Variants in RSF1 observed in about 807,000 individuals in gnomAD.
RSF1 encodes HBV pX-associated protein 8.
Under a neutral mutation model 145.2 loss-of-function variants are expected in RSF1, and 13 were observed. The ratio of observed to expected loss-of-function variants is 0.09; its 90% CI spans 0.06 to 0.14. The LOEUF (loss-of-function observed/expected upper bound fraction) is 0.14, where lower values mean the gene tolerates loss of function less well. Among genes scored for constraint, RSF1 ranks in the 10% least tolerant of loss-of-function variants. The pLI is 1.00. For synonymous variants in RSF1, 577 were observed against 592.6 expected, an observed-to-expected ratio of 0.97 and a Z score of 0.38; for missense variants, 1,517 against 1,718.2, an observed-to-expected ratio of 0.88 and a Z score of 2.07.
chr11:77,770,396 A>C (rs893397152), intron 1 of RSF1, among the ~76,000 whole-genome samples: 1 of 152,256 alleles, frequency 6.6e-6, no homozygotes, highest in African/African-American at 2.4e-5. Flanking sequence ...CGGAGGATGC[A>C]GTGAGCCCAG....
the RSF1 span, among the ~76,000 whole-genome samples, chr11:77,858,712 T>C: frequency 6.6e-6 from 1 of 152,080 alleles, no homozygotes; most frequent in African/African-American, 2.4e-5. Flanking sequence ...TGGGGCATAG[T>C]AGGGGTTGTG....
At position 77,663,301 on chromosome 11, in the gene RSF1, T is replaced by A. The variant is rs1959277098; in HGVS notation, c.*3616A>T. On this transcript the variant is annotated 3_prime_UTR_variant, in exon 16 of 16. Coordinates refer to ENST00000308488, the MANE Select transcript of RSF1 (RefSeq NM_016578.4). ...CCCACCAGTCCCACTTAAAAACAGCTAACATTTCCTCATCATTTTGACTAT... is the reference window on the plus strand; with the variant it reads ...CCCACCAGTCCCACTTAAAAACAGCAAACATTTCCTCATCATTTTGACTAT... 6.6e-6 allele frequency: 1 copy of A among 152,192 alleles called. No individual in the cohort carries two copies. The highest frequency in any genetic ancestry group is 6.5e-5 in the Admixed American group (1 of 15,274). The allele number at this position is 152,192 out of a possible 1,614,324, so 9.4% of individuals were successfully genotyped here.
At chr11:77,848,419 G>A in the RSF1 span, among the ~76,000 whole-genome samples, 1 of 150,794 alleles carries the variant, frequency 6.6e-6, no homozygotes, top group Non-Finnish European at 1.5e-5. Flanking sequence ...AGTGCAGGGC[G>A]TGATCTCGGC....
At chr11:77,682,743 A>G (rs1959897305) in intron 11 of RSF1, among the ~76,000 whole-genome samples, 1 of 152,242 alleles carries the variant, frequency 6.6e-6, no homozygotes, top group African/African-American at 2.4e-5. Flanking sequence ...ATAAATCATC[A>G]CAACCACACT....
intron 1 of RSF1, among the ~76,000 whole-genome samples, chr11:77,820,312 G>A (rs911664601): frequency 1.3e-5 from 2 of 152,134 alleles, no homozygotes; most frequent in Non-Finnish European, 2.9e-5. Context: ...TCAGCTCCCC[G>A]CCCGGCCGAG....
intron 1 of RSF1, among the ~76,000 whole-genome samples, chr11:77,805,452 AAAG>A (rs1948668181): frequency 6.6e-6 from 1 of 152,270 alleles, no homozygotes; most frequent in African/African-American, 2.4e-5. Context: ...AAAAAAGAAA[AAAG>A]AAAAAAAAAG....
the RSF1 span, chr11:77,869,996 T>TACCTA: frequency 2.0e-6 from 1 of 497,022 alleles, no homozygotes; most frequent in Non-Finnish European, 3.6e-6. Flanking sequence ...CTCTCCAGTC[T>TACCTA]ACCTAACCCT....
Position 77,692,233 on chromosome 11 carries a change from ATTTTTTTTTTT to A in RSF1, c.2821-1006_2821-996del, listed in dbSNP as rs71046904. ...AAAAAATAATTATTACTACTTTTAA[ATTTTTTTTTTT>A]TTTTTTTTTTTTTTTTTTGAGACGG... On this transcript the variant is annotated intron_variant, in intron 8 of 15. Transcript: ENST00000308488. Among the ~76,000 whole-genome samples, 38 of 49,478 alleles carry A rather than the reference ATTTTTTTTTTT, an allele frequency of 7.7e-4. 2 individuals carry two copies. Among genetic ancestry groups the A allele is most frequent in the African/African-American group, 2.8e-3 (22 of 7,848 alleles). 32.5% of individuals were successfully genotyped at this position (49,478 alleles called of 152,430 possible). A position where few individuals can be genotyped will look rare whatever the true frequency, so the allele number is the denominator to read the frequency against.
the RSF1 span, among the ~76,000 whole-genome samples, chr11:77,837,581 G>A: frequency 1.3e-5 from 2 of 151,562 alleles, no homozygotes; most frequent in Non-Finnish European, 2.9e-5. Flanking sequence ...GACTACAGGT[G>A]TGCATCACTA....
chr11:77,870,637 T>C, the RSF1 span, among the ~76,000 whole-genome samples: 1 of 152,138 alleles, frequency 6.6e-6, no homozygotes, highest in Non-Finnish European at 1.5e-5. Flanking sequence ...ATGCCTGGCT[T>C]ATTTTTTAAT....
At chr11:77,810,354 T>A (rs1948718430) in intron 1 of RSF1, among the ~76,000 whole-genome samples, 1 of 152,180 alleles carries the variant, frequency 6.6e-6, no homozygotes, top group Non-Finnish European at 1.5e-5. Flanking sequence ...ATGGCTACTC[T>A]TGAATGAAAG....
rs59146627 is a variant in RSF1 at position 77,774,573 on chromosome 11, AAAATAAATAAAT to A, written c.188-9896_188-9885del. ...GCCACAGAGCGAGACTCTGTCTCAAAAAATAAATAAATAAATAAATAAATAAATAAATAAATA... is the reference window on the plus strand; with the variant it reads ...GCCACAGAGCGAGACTCTGTCTCAAAAAATAAATAAATAAATAAATAAATA... On this transcript the variant is annotated intron_variant, in intron 1 of 15. Transcript: ENST00000308488. Among the ~76,000 whole-genome samples, 1,080 of 133,120 alleles carry A rather than the reference AAAATAAATAAAT, an allele frequency of 8.1e-3. 15 individuals are homozygous for A. Among genetic ancestry groups the A allele is most frequent in the African/African-American group, 0.024 (862 of 36,116 alleles). The allele number at this position is 133,120 out of a possible 152,430, so 87.3% of individuals were successfully genotyped here. A position where few individuals can be genotyped will look rare whatever the true frequency, so the allele number is the denominator to read the frequency against.
chr11:77,761,504 C>CT (rs35609631), intron 2 of RSF1, among the ~76,000 whole-genome samples: 26,902 of 151,992 alleles, frequency 0.18, 2,962 homozygotes, highest in African/African-American at 0.3. Context: ...TAAAGGTCTT[C>CT]ACATGGCTGT....
intron 4 of RSF1, among the ~76,000 whole-genome samples, chr11:77,736,030 C>G (rs371371641): frequency 1.4e-4 from 21 of 152,338 alleles, no homozygotes; most frequent in African/African-American, 4.8e-4. Flanking sequence ...AGCCGCCGCA[C>G]CCGGCCATCA....
At chr11:77,670,829 G>A (rs1198184373) in intron 15 of RSF1, among the ~76,000 whole-genome samples, 6 of 151,574 alleles carry the variant, frequency 4.0e-5, no homozygotes, top group African/African-American at 9.7e-5. Context: ...CCATAAAGCC[G>A]GGCGCGGTGG....
intron 2 of RSF1, among the ~76,000 whole-genome samples, chr11:77,752,072 G>A (rs1309717794): frequency 6.6e-6 from 1 of 152,156 alleles, no homozygotes; most frequent in Admixed American, 6.5e-5. Flanking sequence ...ACTGATACAG[G>A]AGATAGAAAG....
chr11:77,717,545 T>G (rs1166851227), intron 5 of RSF1, among the ~76,000 whole-genome samples: 1 of 152,232 alleles, frequency 6.6e-6, no homozygotes, highest in East Asian at 1.9e-4. Context: ...GTAGTAGTTT[T>G]GCGAATCTGA....
intron 7 of RSF1, among the ~76,000 whole-genome samples, chr11:77,694,741 G>A (rs774488060): frequency 1.3e-5 from 2 of 152,130 alleles, no homozygotes; most frequent in Non-Finnish European, 2.9e-5. Flanking sequence ...ATGTCCTTTT[G>A]TTGATTTTGA....
chr11:77,861,305 A>C, the RSF1 span, among the ~76,000 whole-genome samples: 1 of 152,240 alleles, frequency 6.6e-6, no homozygotes, highest in Admixed American at 6.5e-5. Flanking sequence ...AAAGTTCCCC[A>C]GTCACAACTT....
Sources: gnomAD v4.1 joint callset for allele counts (sites outside exome capture counted in the v4.1 genomes callset) on GRCh38, gnomAD v4.1.1 for gene constraint, MANE v1.5 for transcripts, NCBI Gene and HGNC (gene_info 2026-07-23, HGNC 2026-07-21) for gene names.